Variants in CDH13 observed in about 807,000 individuals in gnomAD.
CDH13 encodes the protein cadherin 13.
CDH13 carries 24 observed loss-of-function variants against 63.8 expected under a neutral mutation model. The observed-to-expected ratio is 0.38, with a 90% CI of 0.27 to 0.53. The LOEUF is 0.53. CDH13 is among the 20% of genes least tolerant of loss of function. CDH13 has a pLI of 0.85. For missense variants in CDH13, 1,049 were observed against 903.1 expected (o/e 1.16, Z -2.07); for synonymous variants, 503 against 355.3 (o/e 1.42, Z -4.67).
At chr16:83,745,231 C>G (rs1489841578) in intron 10 of CDH13, among the ~76,000 whole-genome samples, 1 of 152,148 alleles carries the variant, frequency 6.6e-6, no homozygotes, top group South Asian at 2.1e-4. Context: ...ACAGGCCAGA[C>G]GCCTTCCAGG....
intron 1 of CDH13, among the ~76,000 whole-genome samples, chr16:82,709,032 C>T (rs1034730767): frequency 3.3e-5 from 5 of 152,286 alleles, no homozygotes; most frequent in African/African-American, 1.2e-4. Flanking sequence ...TGGGGACAGG[C>T]CCAAGGGTAA....
At chr16:83,526,217 G>T (rs1445928466) in intron 7 of CDH13, among the ~76,000 whole-genome samples, 1 of 152,162 alleles carries the variant, frequency 6.6e-6, no homozygotes, top group East Asian at 1.9e-4. Flanking sequence ...GTTTTGTGGG[G>T]GCGGTGGTGG....
chr16:83,131,975 T>A (rs1175004849), intron 4 of CDH13, among the ~76,000 whole-genome samples: 1 of 152,208 alleles, frequency 6.6e-6, no homozygotes, highest in East Asian at 1.9e-4. Context: ...GTAATTTACA[T>A]CAGCTTTGCC....
chr16:83,630,697 T>C (rs1910700297), intron 8 of CDH13, among the ~76,000 whole-genome samples: 1 of 152,216 alleles, frequency 6.6e-6, no homozygotes, highest in Non-Finnish European at 1.5e-5. Context: ...GTCTGTCCTT[T>C]GACCTGCACC....
At chr16:83,275,317 C>A (rs1168318539) in intron 5 of CDH13, among the ~76,000 whole-genome samples, 1 of 152,130 alleles carries the variant, frequency 6.6e-6, no homozygotes, top group East Asian at 1.9e-4. Context: ...ATTAGGTCAG[C>A]CATCATACTT....
In CDH13 at chr16:83,336,092, G is replaced by A. The variant is rs535656835; in HGVS notation, c.637-8770G>A. On this transcript the variant is annotated intron_variant, in intron 5 of 13. Coordinates refer to ENST00000567109, the MANE Select transcript of CDH13 (RefSeq NM_001257.5). ...GAGGTGGGTGGATCACCTGAGGTCA[G>A]GAGTTCGAGACCCGCCTGACCAATA... Among the ~76,000 whole-genome samples the A allele has an allele frequency of 4.1e-3, 621 of 152,106 alleles. 2 individuals carry two copies. The highest frequency in any genetic ancestry group is 7.2e-3 in the Non-Finnish European group (488 of 68,014).
At chr16:83,421,727 G>A (rs10514572) in intron 6 of CDH13, among the ~76,000 whole-genome samples, 13 of 152,128 alleles carry the variant, frequency 8.5e-5, no homozygotes, top group Admixed American at 5.9e-4. Context: ...TGTTGTTAGC[G>A]TCCAGTAAGG....
At chr16:83,191,769 C>T (rs1031131113) in intron 4 of CDH13, among the ~76,000 whole-genome samples, 3 of 151,730 alleles carry the variant, frequency 2.0e-5, no homozygotes, top group African/African-American at 4.8e-5. Flanking sequence ...AGGCTTTTCA[C>T]GTTTTTCTGC....
chr16:83,544,824 G>C (rs906477168), intron 7 of CDH13, among the ~76,000 whole-genome samples: 1 of 152,026 alleles, frequency 6.6e-6, no homozygotes, highest in Non-Finnish European at 1.5e-5. Context: ...CAGTTCAAAG[G>C]GTATCTACTA....
chr16:83,476,016 A>T (rs1451742617), intron 6 of CDH13, among the ~76,000 whole-genome samples: 1 of 152,254 alleles, frequency 6.6e-6, no homozygotes, highest in Non-Finnish European at 1.5e-5. Context: ...TTAAGTATCA[A>T]TTATTTACCT....
At position 83,460,015 on chromosome 16, in the gene CDH13, TA is replaced by T. The variant is rs1363281128; in HGVS notation, c.782-26461del. 2.1e-4 allele frequency among the ~76,000 whole-genome samples: 32 copies of T among 152,246 alleles called. 1 individual carries two copies. In the Middle Eastern group the frequency reaches 0.01, roughly 49 times the overall value. On this transcript the variant is annotated intron_variant, in intron 6 of 13. Coordinates refer to ENST00000567109, the MANE Select transcript of CDH13 (RefSeq NM_001257.5). ...AGATACTCACAGCACATTTAATTGA[TA>T]GGGGATCAGTAACAAGATTATATAA...
chr16:82,750,135 T>G (rs1469036643), intron 1 of CDH13, among the ~76,000 whole-genome samples: 1 of 152,118 alleles, frequency 6.6e-6, no homozygotes, highest in African/African-American at 2.4e-5. Context: ...AGCGGGGTGC[T>G]TTTGGAGGTT....
intron 5 of CDH13, among the ~76,000 whole-genome samples, chr16:83,218,631 C>A (rs1476192392): frequency 6.6e-6 from 1 of 152,116 alleles, no homozygotes; most frequent in East Asian, 1.9e-4. Flanking sequence ...TCTTTCTGTG[C>A]CCATCATGGG....
intron 1 of CDH13, among the ~76,000 whole-genome samples, chr16:82,790,755 A>C (rs79026394): frequency 0.034 from 5,103 of 152,292 alleles, 277 homozygotes; most frequent in African/African-American, 0.12. Flanking sequence ...AGCAGGAAGG[A>C]GAGTGCCAAG....
At chr16:82,686,939 A>T (rs1406706039) in intron 1 of CDH13, among the ~76,000 whole-genome samples, 1 of 152,220 alleles carries the variant, frequency 6.6e-6, no homozygotes, top group East Asian at 1.9e-4. Context: ...TTTTTCATCA[A>T]AATGCTAGAA....
intron 7 of CDH13, among the ~76,000 whole-genome samples, chr16:83,557,308 T>G (rs2150681154): frequency 6.6e-6 from 1 of 152,282 alleles, no homozygotes; most frequent in East Asian, 1.9e-4. Context: ...TATAATTATT[T>G]CATTATACAT....
intron 6 of CDH13, among the ~76,000 whole-genome samples, chr16:83,442,382 C>T (rs558553702): frequency 6.6e-6 from 1 of 152,296 alleles, no homozygotes; most frequent in African/African-American, 2.4e-5. Flanking sequence ...TATTCCAAAG[C>T]TACCAGTCTG....
intron 5 of CDH13, among the ~76,000 whole-genome samples, chr16:83,271,314 C>G (rs1186991496): frequency 1.3e-5 from 2 of 148,930 alleles, no homozygotes; most frequent in Non-Finnish European, 3.0e-5. Context: ...GATAAGTGAT[C>G]AGGGCAGATC....
intron 2 of CDH13, chr16:82,954,783 C>T (rs1299969825): frequency 6.6e-6 from 1 of 151,586 alleles, no homozygotes; most frequent in Non-Finnish European, 1.5e-5. Context: ...TGAGTCATAC[C>T]TCATTTTCCA....
Sources: gnomAD v4.1 joint callset for allele counts (sites outside exome capture counted in the v4.1 genomes callset) on GRCh38, gnomAD v4.1.1 for gene constraint, MANE v1.5 for transcripts, NCBI Gene and HGNC (gene_info 2026-07-23, HGNC 2026-07-21) for gene names.